Variants in CCNG1 observed in about 807,000 individuals in gnomAD.
The protein encoded by CCNG1 is cyclin-G1.
CCNG1 carries 13 observed loss-of-function variants against 30.0 expected under a neutral mutation model. That is an observed-to-expected ratio of 0.43 (90% confidence interval 0.28 to 0.69). The LOEUF is 0.69. Ranked by LOEUF, CCNG1 falls within the 30% of genes least tolerant of loss-of-function variation. The probability of loss-of-function intolerance (pLI) is 0.16; values close to 1 mark genes in which losing one functional copy is unlikely to be tolerated. For synonymous variants in CCNG1, 110 were observed against 121.5 expected, an observed-to-expected ratio of 0.91 and a Z score of 0.62; for missense variants, 285 against 331.4, an observed-to-expected ratio of 0.86 and a Z score of 1.09.
At position 163,444,560 on chromosome 5, in the gene CCNG1, A is replaced by T. The variant is rs1315292227; in HGVS notation, c.*890A>T. On this transcript the variant is annotated 3_prime_UTR_variant, in exon 7 of 7. Transcript: ENST00000340828. ...AAGTTAGAAGTGATGGCAATTTTAT[A>T]AATAGAGAATATACTTCCACTGATG... The T allele has an allele frequency of 2.0e-5, 3 of 152,782 alleles. No homozygotes were observed. Among genetic ancestry groups the T allele is most frequent in the Non-Finnish European group, 4.4e-5 (3 of 68,036 alleles). 9.5% of individuals were successfully genotyped at this position (152,782 alleles called of 1,614,324 possible).
intron 6 of CCNG1, among the ~76,000 whole-genome samples, chr5:163,443,210 G>A (rs1757911567): frequency 6.6e-6 from 1 of 151,992 alleles, no homozygotes; most frequent in African/African-American, 2.4e-5. Flanking sequence ...TACTCGGGAG[G>A]CTGAGGCAGG....
chr5:163,451,200 T>C, the CCNG1 span: 12 of 152,234 alleles, frequency 7.9e-5, no homozygotes, highest in African/African-American at 2.9e-4. Flanking sequence ...AAATTGATTA[T>C]TGGAATGGTT....
chr5:163,452,083 T>TA, the CCNG1 span: 2 of 148,958 alleles, frequency 1.3e-5, no homozygotes, highest in African/African-American at 4.9e-5. Context: ...AATAATCAAA[T>TA]AGGAATCAGG....
chr5:163,439,686 A>G (rs1757709878), intron 2 of CCNG1, 166 bp downstream of exon 2: 1 of 603,330 alleles, frequency 1.7e-6, no homozygotes, highest in African/African-American at 1.9e-5. Context: ...AATCAAGAGT[A>G]GTACATCAGG....
At chr5:163,439,201 G>T in intron 1 of CCNG1, 56 bp from the exon 2 acceptor site, 4 of 1,511,938 alleles carry the variant, frequency 2.6e-6, no homozygotes, top group Non-Finnish European at 3.6e-6. Context: ...AGATGGCCAA[G>T]GAAAGCAGGA....
chr5:163,441,852 A>G (rs1011539543), intron 3 of CCNG1, 34 bp from the exon 4 acceptor site: 5 of 1,292,336 alleles, frequency 3.9e-6, no homozygotes, highest in Non-Finnish European at 5.6e-6. Flanking sequence ...ATGTAGTATT[A>G]CCTAATAAAA....
chr5:163,439,562 T>C, intron 2 of CCNG1, 42 bp downstream of exon 2: 1 of 1,560,220 alleles, frequency 6.4e-7, no homozygotes, highest in Non-Finnish European at 8.7e-7. Context: ...CTCAGTGTGT[T>C]TTGGAGATGG....
downstream of CCNG1, chr5:163,450,465 T>C (rs1464702447): frequency 6.6e-6 from 1 of 152,186 alleles, no homozygotes; most frequent in East Asian, 1.9e-4. Context: ...CCAGAATATA[T>C]AAAGACTCTT....
chr5:163,442,539 C>G lies in CCNG1; in HGVS notation c.862C>G (p.Pro288Ala). 1 of 1,609,914 alleles carries G rather than the reference C, an allele frequency of 6.2e-7. No homozygotes were observed. ...KHSYYRITHL[P>A]TIPEMVP ...TAGCTACTACAGAATAACTCACCTT[C>G]CAACAATTCCTGAAATGGTCCCTTA... is the stretch of plus-strand genomic sequence containing the variant. Residue 288 changes from proline (P) to alanine (A), a missense_variant, in exon 6 of 7, where the codon CCA (proline) becomes GCA (alanine). Physicochemically the swap from Pro to Ala is conservative, Grantham distance 27. Coordinates refer to ENST00000340828, the MANE Select transcript of CCNG1 (RefSeq NM_004060.4).
chr5:163,452,544 G>C, the CCNG1 span: 1 of 152,112 alleles, frequency 6.6e-6, no homozygotes, highest in African/African-American at 2.4e-5. Flanking sequence ...TGAGTTTATA[G>C]AGATACGATA....
At chr5:163,450,714 TG>T (rs919876337), downstream of CCNG1, 6 of 152,126 alleles carry the variant, frequency 3.9e-5, no homozygotes, top group African/African-American at 1.4e-4. Context: ...ACACTGCTGG[TG>T]GGAAAGTAAA....
downstream of CCNG1, chr5:163,449,698 T>C (rs1758127280): frequency 6.6e-6 from 1 of 151,956 alleles, no homozygotes; most frequent in African/African-American, 2.4e-5. Context: ...ATCAAGGCAA[T>C]CTGGTATTTA....
downstream of CCNG1, chr5:163,447,103 A>C (rs1758055501): frequency 6.6e-6 from 1 of 152,322 alleles, no homozygotes; most frequent in African/African-American, 2.4e-5. Flanking sequence ...ATAATGATAA[A>C]ATTCACCAAG....
rs770870991 is a variant in CCNG1 at position 163,442,159 on chromosome 5, A to G, written c.696+16A>G. 1.3e-6 allele frequency: 2 copies of G among 1,510,702 alleles called. No homozygotes were observed. Among genetic ancestry groups the G allele is most frequent in the South Asian group, 1.2e-5 (1 of 86,032 alleles). 93.6% of individuals were successfully genotyped at this position (1,510,702 alleles called of 1,614,324 possible). A position where few individuals can be genotyped will look rare whatever the true frequency, so the allele number is the denominator to read the frequency against. ...ACATTCCAAGGTATGTGAAGGACAT[A>G]GCCTAAATCCTATTAACAGCTGTAA... is the stretch of plus-strand genomic sequence containing the variant. On this transcript the variant is annotated intron_variant, in intron 5 of 6. Coordinates refer to ENST00000340828, the MANE Select transcript of CCNG1 (RefSeq NM_004060.4).
chr5:163,456,877 G>A, the CCNG1 span: 1 of 1,166,014 alleles, frequency 8.6e-7, no homozygotes. Flanking sequence ...ATATTTATTT[G>A]ATGATTTTTA....
chr5:163,444,695 G>GT lies in CCNG1; in HGVS notation c.*1026dup, dbSNP rs1368743076. 1 of 152,648 alleles carries GT rather than the reference G, an allele frequency of 6.6e-6. No individual in the cohort carries two copies. Among genetic ancestry groups the GT allele is most frequent in the Non-Finnish European group, 1.5e-5 (1 of 68,040 alleles). 9.5% of individuals were successfully genotyped at this position (152,648 alleles called of 1,614,324 possible). On this transcript the variant is annotated 3_prime_UTR_variant, in exon 7 of 7. Transcript: ENST00000340828. Reference sequence around the variant, plus strand: ...GGATCCTCCATGGCAGTTAGTGAATGTAAGAAGTACAGTGTTAAAGTGTTG... The same window carrying GT: ...GGATCCTCCATGGCAGTTAGTGAATGTTAAGAAGTACAGTGTTAAAGTGTTG...
chr5:163,443,893 T>TAAATGTGA lies in CCNG1; in HGVS notation c.*226_*233dup, dbSNP rs1354317569. The TAAATGTGA allele has an allele frequency of 5.6e-6, 3 of 531,434 alleles. No homozygotes were observed. The highest frequency in any genetic ancestry group is 9.9e-6 in the Non-Finnish European group (3 of 303,422). 32.9% of individuals were successfully genotyped at this position (531,434 alleles called of 1,614,324 possible). On this transcript the variant is annotated 3_prime_UTR_variant, in exon 7 of 7. Coordinates refer to ENST00000340828, the MANE Select transcript of CCNG1 (RefSeq NM_004060.4). ...AGCATTCAAATCAAAGCTAAAAGCC[T>TAAATGTGA]AAATGTGAAATGCTAATGACAAGCC...
chr5:163,456,496 G>C, the CCNG1 span, among the ~76,000 whole-genome samples: 2 of 151,428 alleles, frequency 1.3e-5, no homozygotes, highest in Non-Finnish European at 2.9e-5. Context: ...GCAACAAGAA[G>C]AACAATACAC....
At chr5:163,448,318 AAAAAG>A (rs1464014148), downstream of CCNG1, 2 of 152,196 alleles carry the variant, frequency 1.3e-5, no homozygotes, top group Admixed American at 6.5e-5. Flanking sequence ...AAATTGACAA[AAAAAG>A]AGAAGGAATT....
Sources: allele counts gnomAD v4.1 joint callset (sites outside exome capture counted in the v4.1 genomes callset), GRCh38; gene constraint gnomAD v4.1.1; transcripts MANE v1.5; gene names NCBI Gene and HGNC (gene_info 2026-07-23, HGNC 2026-07-21).